Variants in LCP1 observed in about 807,000 individuals in gnomAD.
LCP1 encodes the protein plastin-2.
LCP1 carries 23 observed loss-of-function variants against 72.0 expected under a neutral mutation model. The observed-to-expected ratio is 0.32, with a 90% confidence interval of 0.23 to 0.45. The LOEUF (loss-of-function observed/expected upper bound fraction) is 0.45. Ranked by LOEUF, LCP1 falls within the 20% of genes least tolerant of loss-of-function variation. The pLI, the probability that LCP1 is intolerant of heterozygous loss-of-function variation, is 1.00. For missense variants in LCP1, 571 were observed against 748.3 expected (o/e 0.76, Z 2.76); for synonymous variants, 245 against 275.4 (o/e 0.89, Z 1.09).
chr13:46,162,763 C>A (rs1046217360), intron 1 of LCP1, among the ~76,000 whole-genome samples: 4 of 151,990 alleles, frequency 2.6e-5, no homozygotes, highest in African/African-American at 7.3e-5. Flanking sequence ...GGCCGCCCAT[C>A]GTCTGAGATG....
chr13:46,169,714 A>T (rs959305988), intron 1 of LCP1: 1 of 152,470 alleles, frequency 6.6e-6, no homozygotes, highest in Non-Finnish European at 1.5e-5. Context: ...CCTCCCAAGT[A>T]GCTAGGACTA....
At chr13:46,151,175 A>G (rs2045761565) in intron 7 of LCP1, 97 bp from the exon 8 acceptor site, 1 of 1,217,270 alleles carries the variant, frequency 8.2e-7, no homozygotes, top group Non-Finnish European at 1.1e-6. Context: ...AAAGCTAAAG[A>G]TAACAACGTT....
chr13:46,174,798 A>G (rs934140637), intron 1 of LCP1, among the ~76,000 whole-genome samples: 1 of 147,468 alleles, frequency 6.8e-6, no homozygotes, highest in Non-Finnish European at 1.5e-5. Context: ...GTGAGCTAAG[A>G]TTGTGCCTGG....
chr13:46,162,945 T>A (rs940134561), intron 1 of LCP1, among the ~76,000 whole-genome samples: 2 of 150,752 alleles, frequency 1.3e-5, no homozygotes, highest in South Asian at 4.2e-4. Flanking sequence ...CCCCTCCGCC[T>A]GGCAGCCACC....
intron 13 of LCP1, among the ~76,000 whole-genome samples, chr13:46,137,240 G>T (rs983982717): frequency 6.6e-6 from 1 of 150,864 alleles, no homozygotes; most frequent in Non-Finnish European, 1.5e-5. Flanking sequence ...AGAGAAGAAA[G>T]AATAGAATTA....
chr13:46,126,433 A>T lies in LCP1; in HGVS notation c.*1158T>A, dbSNP rs1258765849. ...AGTTCCACCATTTCTTATCCAGCAT[A>T]GATTCATTCTGCCCTTGACAGCTGG... On this transcript the variant is annotated 3_prime_UTR_variant, in exon 16 of 16. Transcript: ENST00000323076. 1 of 232,342 alleles carries T rather than the reference A, an allele frequency of 4.3e-6. No homozygotes were observed. Among genetic ancestry groups the T allele is most frequent in the Non-Finnish European group, 8.5e-6 (1 of 117,302 alleles). The allele number at this position is 232,342 out of a possible 1,614,324, so 14.4% of individuals were successfully genotyped here.
At chr13:46,163,983 G>C (rs896909749) in intron 1 of LCP1, among the ~76,000 whole-genome samples, 4 of 152,154 alleles carry the variant, frequency 2.6e-5, no homozygotes, top group African/African-American at 9.7e-5. Flanking sequence ...GGGATTATAA[G>C]ATACATTCAT....
intron 13 of LCP1, among the ~76,000 whole-genome samples, chr13:46,135,246 G>C (rs1019432174): frequency 1.3e-5 from 2 of 152,138 alleles, no homozygotes; most frequent in African/African-American, 4.8e-5. Context: ...ATGGGTTTGT[G>C]GACTTCATGG....
intron 1 of LCP1, among the ~76,000 whole-genome samples, chr13:46,180,290 A>G (rs1038244765): frequency 6.6e-6 from 1 of 152,170 alleles, no homozygotes; most frequent in African/African-American, 2.4e-5. Flanking sequence ...TGCTTACACT[A>G]CGTGCTCATA....
intron 1 of LCP1, among the ~76,000 whole-genome samples, chr13:46,169,226 G>A (rs2138277759): frequency 6.6e-6 from 1 of 152,182 alleles, no homozygotes; most frequent in South Asian, 2.1e-4. Flanking sequence ...TTCACATATA[G>A]TAAGAACAAT....
At chr13:46,174,819 C>T (rs115606203) in intron 1 of LCP1, among the ~76,000 whole-genome samples, 2,601 of 119,498 alleles carry the variant, frequency 0.022, 93 homozygotes, top group African/African-American at 0.084. Flanking sequence ...GCAACAAGAG[C>T]GAAAACTCCA....
In LCP1 at chr13:46,125,989, A is replaced by C. The variant is rs114053868; in HGVS notation, c.*1602T>G. 7.7e-3 allele frequency: 1,519 copies of C among 197,050 alleles called. 29 individuals carry two copies. The highest frequency in any genetic ancestry group is 0.033 in the African/African-American group (1,455 of 43,452). The allele number at this position is 197,050 out of a possible 1,614,324, so 12.2% of individuals were successfully genotyped here. A position where few individuals can be genotyped will look rare whatever the true frequency, so the allele number is the denominator to read the frequency against. ...TCTTTTCATTTTTTATTAAGGCAGT[A>C]ACATTCTTTCTTCCTGGAGGCGGAG... On this transcript the variant is annotated 3_prime_UTR_variant, in exon 16 of 16. Transcript: ENST00000323076.
At chr13:46,166,431 A>T (rs780959320) in intron 1 of LCP1, among the ~76,000 whole-genome samples, 6 of 152,216 alleles carry the variant, frequency 3.9e-5, no homozygotes, top group Admixed American at 1.3e-4. Flanking sequence ...GTGACCTGGT[A>T]TCACCTTGCC....
intron 1 of LCP1, among the ~76,000 whole-genome samples, chr13:46,170,554 G>T (rs2045900056): frequency 6.6e-6 from 1 of 152,226 alleles, no homozygotes; most frequent in African/African-American, 2.4e-5. Flanking sequence ...GTGACTGAAT[G>T]AGGGGCAAAC....
At chr13:46,148,523 A>G in intron 8 of LCP1, 76 bp from the exon 9 acceptor site, 8 of 908,670 alleles carry the variant, frequency 8.8e-6, no homozygotes, top group Non-Finnish European at 1.4e-5. Context: ...GATTTCCCAA[A>G]AGCAAACATT....
At chr13:46,152,618 G>C (rs779451538) in intron 7 of LCP1, among the ~76,000 whole-genome samples, 162 bp downstream of exon 7, 6 of 152,122 alleles carry the variant, frequency 3.9e-5, no homozygotes. Context: ...ATTAAAAAAC[G>C]TCTGGTCTGT....
Position 46,159,641 on chromosome 13 carries a change from C to T in LCP1, c.22G>A (p.Asp8Asn), listed in dbSNP as rs918436459. 4 of 1,613,948 alleles carry T rather than the reference C, an allele frequency of 2.5e-6. No homozygotes were observed. The highest frequency in any genetic ancestry group is 1.3e-5 in the African/African-American group (1 of 74,918). The change falls in exon 2 of 16, where the codon GAT (aspartate) becomes AAT (asparagine). Residue 8 changes from aspartate to asparagine, a missense_variant. Asp to Asn is a conservative substitution (Grantham distance 23, BLOSUM62 1). Transcript: ENST00000323076. The part of the protein sequence containing the change: MARGSVS[D>N]EEMMELREAF... ...TCTCTGAGCTCCATCATTTCCTCATCGGACACTGATCCTCTGGCCATTTTT... is the reference window on the plus strand; with the variant it reads ...TCTCTGAGCTCCATCATTTCCTCATTGGACACTGATCCTCTGGCCATTTTT...
intron 1 of LCP1, among the ~76,000 whole-genome samples, chr13:46,163,429 T>A (rs542276545): frequency 1.3e-5 from 2 of 152,144 alleles, no homozygotes; most frequent in African/African-American, 2.4e-5. Flanking sequence ...AACAGATGCT[T>A]GAAGGCAGCA....
Position 46,127,686 on chromosome 13 carries a change from C to G in LCP1, c.1789G>C (p.Val597Leu), listed in dbSNP as rs761106055. ...ACCAGGTCTTCTGGCAGGGCATACA[C>G]TCTTGCTCCAATTTTTCGGGCCATA... ...ISMARKIGAR[V>L]YALPEDLVEV... The change falls in exon 16 of 16, where the codon GTG (valine) becomes CTG (leucine). Residue 597 changes from valine (V) to leucine (L), a missense_variant. By Grantham distance (32) the Val-to-Leu change is conservative. Coordinates refer to ENST00000323076, the MANE Select transcript of LCP1 (RefSeq NM_002298.5). 1 of 1,614,184 alleles carries G rather than the reference C, an allele frequency of 6.2e-7. No individual in the cohort carries two copies. Among genetic ancestry groups the G allele is most frequent in the Non-Finnish European group, 8.5e-7 (1 of 1,180,028 alleles).
Sources: gnomAD v4.1 joint callset for allele counts (sites outside exome capture counted in the v4.1 genomes callset) on GRCh38, gnomAD v4.1.1 for gene constraint, MANE v1.5 for transcripts, NCBI Gene and HGNC (gene_info 2026-07-23, HGNC 2026-07-21) for gene names.